Variants in NRF1 observed in about 807,000 individuals in gnomAD.
NRF1 encodes the protein alpha palindromic-binding protein.
NRF1 carries 5 observed loss-of-function variants against 58.5 expected under a neutral mutation model. The observed-to-expected ratio is 0.09, with a 90% confidence interval of 0.04 to 0.18. The LOEUF (loss-of-function observed/expected upper bound fraction) is 0.18. NRF1 is among the 10% of genes least tolerant of loss of function. NRF1 has a pLI of 1.00. For synonymous variants in NRF1, 224 were observed against 246.7 expected (o/e 0.91, Z 0.86); for missense variants, 288 against 657.7 (o/e 0.44, Z 6.15).
intron 1 of NRF1, among the ~76,000 whole-genome samples, chr7:129,642,965 C>T (rs1289040748): frequency 1.3e-5 from 2 of 151,810 alleles, no homozygotes; most frequent in Non-Finnish European, 2.9e-5. Context: ...TTCACCATTT[C>T]ACCCAGGCTG....
chr7:129,744,306 TC>T (rs1803920529), intron 10 of NRF1: 1 of 1,292,690 alleles, frequency 7.7e-7, no homozygotes, highest in Non-Finnish European at 1.1e-6. Context: ...AGGCGCTGCT[TC>T]CTGCTTGGAT....
rs868854903 is a variant in NRF1, at chr7:129,677,562, A to G, written c.339-70A>G. The G allele has an allele frequency of 2.2e-5, 32 of 1,428,316 alleles. No homozygotes were observed. The Middle Eastern group carries it at 7.2e-4, about 32-fold the overall frequency. 88.5% of individuals were successfully genotyped at this position (1,428,316 alleles called of 1,614,324 possible). ...TGATCAGAATAAACTGTCTTACCTC[A>G]TTTGTGTCTATGTCACTGTAATTTC... On this transcript the variant is annotated intron_variant, in intron 3 of 10. Transcript: ENST00000393232.
intron 1 of NRF1, among the ~76,000 whole-genome samples, chr7:129,649,693 G>C (rs1326707163): frequency 8.5e-6 from 1 of 117,686 alleles, no homozygotes; most frequent in Non-Finnish European, 1.6e-5. Context: ...CAGCTCTTCT[G>C]TACCAGAGAG....
chr7:129,736,539 C>T (rs991826165), intron 10 of NRF1, among the ~76,000 whole-genome samples: 3 of 152,038 alleles, frequency 2.0e-5, no homozygotes, highest in African/African-American at 7.2e-5. Flanking sequence ...TGAGCCATCA[C>T]GCCCAGCCCA....
At chr7:129,744,779 A>G (rs908442354) in intron 10 of NRF1, among the ~76,000 whole-genome samples, 1 of 152,154 alleles carries the variant, frequency 6.6e-6, no homozygotes, top group African/African-American at 2.4e-5. Flanking sequence ...ATGTGCTCTT[A>G]AAAAGTTTTA....
intron 1 of NRF1, among the ~76,000 whole-genome samples, chr7:129,624,907 A>G (rs1183397665): frequency 1.3e-5 from 2 of 152,064 alleles, no homozygotes. Flanking sequence ...AGATCCTTCA[A>G]CCTTGGGAAG....
At position 129,699,998 on chromosome 7, in the gene NRF1, G is replaced by A. The variant is rs868858510; in HGVS notation, c.607-9077G>A. ...ACTAAAAAAAAAAAAAAATTTAGCC[G>A]GGCATGGTGGCAGGTGTCTGTAATC... On this transcript the variant is annotated intron_variant, in intron 5 of 10. Transcript: ENST00000393232. 1.0e-4 allele frequency among the ~76,000 whole-genome samples: 15 copies of A among 150,024 alleles called. 1 individual carries two copies. The highest frequency in any genetic ancestry group is 6.0e-4 in the Admixed American group (9 of 15,088).
chr7:129,635,861 CT>C (rs977729001), intron 1 of NRF1, among the ~76,000 whole-genome samples: 84 of 148,804 alleles, frequency 5.6e-4, no homozygotes, highest in East Asian at 4.7e-3. Context: ...AATTTCCTAC[CT>C]TTTTTTTTTA....
chr7:129,702,831 A>T (rs1802856857), intron 5 of NRF1, among the ~76,000 whole-genome samples: 1 of 152,160 alleles, frequency 6.6e-6, no homozygotes. Context: ...GTTGGCAGAT[A>T]TGTTGGTCTG....
At chr7:129,748,553 G>C (rs1804037908) in intron 10 of NRF1, among the ~76,000 whole-genome samples, 1 of 152,168 alleles carries the variant, frequency 6.6e-6, no homozygotes, top group South Asian at 2.1e-4. Context: ...TGGCATCCAA[G>C]GGACACATGT....
At chr7:129,642,956 TC>T (rs979530168) in intron 1 of NRF1, among the ~76,000 whole-genome samples, 2 of 151,908 alleles carry the variant, frequency 1.3e-5, no homozygotes, top group African/African-American at 4.8e-5. Context: ...AGATGGGGTT[TC>T]ACCATTTCAC....
intron 1 of NRF1, among the ~76,000 whole-genome samples, chr7:129,640,631 A>G (rs1266722062): frequency 6.6e-6 from 1 of 152,178 alleles, no homozygotes; most frequent in African/African-American, 2.4e-5. Flanking sequence ...TTAGCAGTTA[A>G]GGAGCCCAAG....
At chr7:129,744,266 A>G in intron 10 of NRF1, 2 of 1,532,540 alleles carry the variant, frequency 1.3e-6, no homozygotes, top group Non-Finnish European at 1.8e-6. Context: ...AAGCAGCTGG[A>G]GGATAGAGTC....
intron 1 of NRF1, among the ~76,000 whole-genome samples, chr7:129,613,128 C>G (rs1208168365): frequency 6.6e-6 from 1 of 152,176 alleles, no homozygotes; most frequent in African/African-American, 2.4e-5. Flanking sequence ...AGCCTGTCAG[C>G]TTGGGCAGTG....
chr7:129,625,135 C>T (rs1345760060), intron 1 of NRF1, among the ~76,000 whole-genome samples: 1 of 152,142 alleles, frequency 6.6e-6, no homozygotes, highest in East Asian at 1.9e-4. Flanking sequence ...TGGTGGCATT[C>T]CTTGACTTGT....
chr7:129,717,159 A>G (rs1803211562), intron 8 of NRF1, 60 bp from the exon 9 acceptor site: 1 of 1,508,232 alleles, frequency 6.6e-7, no homozygotes, highest in Admixed American at 2.3e-5. Context: ...TAGAAAAATT[A>G]CTTGTAAAAT....
At chr7:129,718,069 G>A (rs542341220) in intron 9 of NRF1, among the ~76,000 whole-genome samples, 3 of 152,304 alleles carry the variant, frequency 2.0e-5, no homozygotes, top group African/African-American at 7.2e-5. Flanking sequence ...GAAGGGTGCT[G>A]CCAAATGGGA....
At chr7:129,678,790 A>G (rs1802240811) in intron 4 of NRF1, among the ~76,000 whole-genome samples, 1 of 152,190 alleles carries the variant, frequency 6.6e-6, no homozygotes, top group Admixed American at 6.5e-5. Context: ...AGATGATGCA[A>G]TCTATGAAAA....
chr7:129,754,965 A>G, intron 10 of NRF1, 53 bp from the exon 11 acceptor site: 8 of 1,490,390 alleles, frequency 5.4e-6, no homozygotes, highest in Admixed American at 2.2e-5. Flanking sequence ...TCCAGCCAGC[A>G]TCTGGGAACT....
Sources: allele counts gnomAD v4.1 joint callset (sites outside exome capture counted in the v4.1 genomes callset), GRCh38; gene constraint gnomAD v4.1.1; transcripts MANE v1.5; gene names NCBI Gene and HGNC (gene_info 2026-07-23, HGNC 2026-07-21).